PPARA: variants seen among roughly 807,000 people sequenced by gnomAD.
PPARA encodes the protein peroxisome proliferator activated receptor alpha.
A neutral mutation model predicts 42.2 loss-of-function variants in PPARA; 22 were observed. The ratio of observed to expected loss-of-function variants is 0.52; its 90% CI spans 0.37 to 0.74. The LOEUF (loss-of-function observed/expected upper bound fraction) is 0.74, where lower values mean the gene tolerates loss of function less well. Ranked by LOEUF, PPARA falls within the 30% of genes least tolerant of loss-of-function variation. The pLI, the probability that PPARA is intolerant of heterozygous loss-of-function variation, is 0.00. For synonymous variants in PPARA, 242 were observed against 239.3 expected, an observed-to-expected ratio of 1.01 and a Z score of -0.10; for missense variants, 465 against 608.2, an observed-to-expected ratio of 0.76 and a Z score of 2.48.
chr22:46,240,845 G>A lies in PPARA; in HGVS notation c.*5465G>A, dbSNP rs1303011876. ...ACCAAATATTTGCATCGAGCAAAGG[G>A]GGCTGTGTGCACCTCCCTAATGGCA... On this transcript the variant is annotated 3_prime_UTR_variant, in exon 9 of 9. Coordinates refer to ENST00000407236, the MANE Select transcript of PPARA (RefSeq NM_005036.6). This position sits in a 1 kb window ranked among gnomAD's most constrained non-coding sequence, Gnocchi z 6.0. The A allele has an allele frequency of 6.6e-6, 1 of 152,236 alleles. No homozygotes were observed. Among genetic ancestry groups the A allele is most frequent in the Non-Finnish European group, 1.5e-5 (1 of 68,046 alleles). The allele number at this position is 152,236 out of a possible 1,614,324, so 9.4% of individuals were successfully genotyped here.
chr22:46,202,962 A>T (rs1006664761), intron 4 of PPARA, among the ~76,000 whole-genome samples: 5 of 152,116 alleles, frequency 3.3e-5, no homozygotes, highest in African/African-American at 9.7e-5. Flanking sequence ...GCACAAAGAA[A>T]AAAAAGGGGA....
rs1370479880 is a variant in PPARA at position 46,182,147 on chromosome 22, G to A, written c.-43+5311G>A. Among the ~76,000 whole-genome samples, 1 of 152,160 alleles carries A rather than the reference G, an allele frequency of 6.6e-6. No homozygotes were observed. The highest frequency in any genetic ancestry group is 1.5e-5 in the Non-Finnish European group (1 of 68,046). ...AGGTGTGAACCACCATGCCCAGCCA[G>A]CAGTTTCTTATAAAGTTAAACCAAT... On this transcript the variant is annotated intron_variant, in intron 3 of 8. Coordinates refer to ENST00000407236, the MANE Select transcript of PPARA (RefSeq NM_005036.6). The surrounding 1 kb of genome is among the most constrained non-coding windows in gnomAD (Gnocchi z 5.2).
In PPARA at chr22:46,219,690, G is replaced by A. The variant is rs1159795875; in HGVS notation, c.509-122G>A. On this transcript the variant is annotated intron_variant, in intron 6 of 8. Coordinates refer to ENST00000407236, the MANE Select transcript of PPARA (RefSeq NM_005036.6). This position sits in a 1 kb window ranked among gnomAD's most constrained non-coding sequence, Gnocchi z 4.8. ...GAAAGCCGAATAGTAATGAAGGATG[G>A]GTCTGAACTGCCTGTGAATTTTCAT... The A allele has an allele frequency of 3.2e-6, 3 of 925,790 alleles. No homozygotes were observed. The East Asian group carries it at 7.8e-5, about 24-fold the overall frequency. The allele number at this position is 925,790 out of a possible 1,614,324, so 57.3% of individuals were successfully genotyped here.
At chr22:46,153,912 A>G (rs956696628) in intron 2 of PPARA, among the ~76,000 whole-genome samples, 1 of 152,160 alleles carries the variant, frequency 6.6e-6, no homozygotes, top group African/African-American at 2.4e-5. Flanking sequence ...GAAGAAGGAG[A>G]AAATGTGTCT....
At chr22:46,152,477 G>C (rs967348735) in intron 2 of PPARA, among the ~76,000 whole-genome samples, 4 of 152,124 alleles carry the variant, frequency 2.6e-5, no homozygotes, top group African/African-American at 9.7e-5. Flanking sequence ...ACTTTTGCTA[G>C]GAACTTCATT....
At chr22:46,168,835 T>C (rs1927529679) in intron 2 of PPARA, among the ~76,000 whole-genome samples, 1 of 151,972 alleles carries the variant, frequency 6.6e-6, no homozygotes, top group Non-Finnish European at 1.5e-5. Flanking sequence ...CTGATGGGAA[T>C]GTAAAATGAT....
At position 46,167,381 on chromosome 22, in the gene PPARA, G is replaced by A. The variant is rs1927235847; in HGVS notation, c.-126-9372G>A. Among the ~76,000 whole-genome samples, 1 of 152,092 alleles carries A rather than the reference G, an allele frequency of 6.6e-6. No homozygotes were observed. Among genetic ancestry groups the A allele is most frequent in the Non-Finnish European group, 1.5e-5 (1 of 68,020 alleles). On this transcript the variant is annotated intron_variant, in intron 2 of 8. Coordinates refer to ENST00000407236, the MANE Select transcript of PPARA (RefSeq NM_005036.6). This position sits in a 1 kb window ranked among gnomAD's most constrained non-coding sequence, Gnocchi z 4.1. ...TAAGAGTTAAAACCATCCAGGTACAGTGGCTCATGCCTGTCATCTTGCACT... is the reference window on the plus strand; with the variant it reads ...TAAGAGTTAAAACCATCCAGGTACAATGGCTCATGCCTGTCATCTTGCACT...
intron 3 of PPARA, among the ~76,000 whole-genome samples, chr22:46,177,453 G>T: frequency 7.8e-6 from 1 of 127,770 alleles, no homozygotes; most frequent in South Asian, 2.4e-4. Flanking sequence ...AACAGAACAA[G>T]ACTCCATCTC....
chr22:46,199,067 C>T (rs775239783), intron 4 of PPARA, among the ~76,000 whole-genome samples: 2 of 152,180 alleles, frequency 1.3e-5, no homozygotes, highest in Non-Finnish European at 2.9e-5. Flanking sequence ...AGGCGCGTGT[C>T]ACGGCTCACG....
Position 46,160,540 on chromosome 22 carries a change from C to T in PPARA, c.-127+8570C>T, listed in dbSNP as rs990872776. 2.6e-5 allele frequency among the ~76,000 whole-genome samples: 4 copies of T among 152,178 alleles called. No homozygotes were observed. The highest frequency in any genetic ancestry group is 1.5e-5 in the Non-Finnish European group (1 of 68,040). On this transcript the variant is annotated intron_variant, in intron 2 of 8. Coordinates refer to ENST00000407236, the MANE Select transcript of PPARA (RefSeq NM_005036.6). This position sits in a 1 kb window ranked among gnomAD's most constrained non-coding sequence, Gnocchi z 4.5. ...CTCAAACTCCCGGCCTCATGATCCG[C>T]CCTCTGCAGCCTCCCAAAGTGCTGG...
rs535772857 is a variant in PPARA at position 46,195,051 on chromosome 22, T to C, written c.-42-3291T>C. ...CTGAGTAGCTGGGATTACAGGCGCC[T>C]ACCACCACGCCCGGCTAATTTTTGT... On this transcript the variant is annotated intron_variant, in intron 3 of 8. Transcript: ENST00000407236. The surrounding 1 kb of genome is among the most constrained non-coding windows in gnomAD (Gnocchi z 4.6). 1.3e-5 allele frequency among the ~76,000 whole-genome samples: 2 copies of C among 149,634 alleles called. No individual in the cohort carries two copies. Among genetic ancestry groups the C allele is most frequent in the African/African-American group, 4.9e-5 (2 of 40,690 alleles).
chr22:46,165,610 A>C lies in PPARA; in HGVS notation c.-126-11143A>C, dbSNP rs954022212. Among the ~76,000 whole-genome samples, 4 of 152,104 alleles carry C rather than the reference A, an allele frequency of 2.6e-5. No individual in the cohort carries two copies. Among genetic ancestry groups the C allele is most frequent in the African/African-American group, 9.7e-5 (4 of 41,396 alleles). Reference sequence around the variant, plus strand: ...TAAACATCCCAAACTTTGGATTGGGACCCAAAAAAGCTCCATCCCAGGAGT... The same window carrying C: ...TAAACATCCCAAACTTTGGATTGGGCCCCAAAAAAGCTCCATCCCAGGAGT... On this transcript the variant is annotated intron_variant, in intron 2 of 8. Transcript: ENST00000407236. The surrounding 1 kb of genome is among the most constrained non-coding windows in gnomAD (Gnocchi z 5.5).
rs1392878555 is a variant in PPARA at position 46,184,659 on chromosome 22, A to G, written c.-43+7823A>G. Reference sequence around the variant, plus strand: ...TACCTGAGGTCGGAAGTTCAAGACCAGCCTGGCCAATATGGCAAAACCTCT... The same window carrying G: ...TACCTGAGGTCGGAAGTTCAAGACCGGCCTGGCCAATATGGCAAAACCTCT... On this transcript the variant is annotated intron_variant, in intron 3 of 8. Transcript: ENST00000407236. This position sits in a 1 kb window ranked among gnomAD's most constrained non-coding sequence, Gnocchi z 4.4. Among the ~76,000 whole-genome samples, 1 of 152,206 alleles carries G rather than the reference A, an allele frequency of 6.6e-6. No homozygotes were observed. Among genetic ancestry groups the G allele is most frequent in the Non-Finnish European group, 1.5e-5 (1 of 68,040 alleles).
rs1303770581 is a variant in PPARA at position 46,165,071 on chromosome 22, TG to T, written c.-126-11681del. ...ATTTATTTGAGACAGAGTTTCGCTC[TG>T]TTGCCCAGGCTAGAGTGCAATGCCA... On this transcript the variant is annotated intron_variant, in intron 2 of 8. Transcript: ENST00000407236. The surrounding 1 kb of genome is among the most constrained non-coding windows in gnomAD (Gnocchi z 5.5). 2.0e-5 allele frequency: 3 copies of T among 152,246 alleles called. No homozygotes were observed. Among genetic ancestry groups the T allele is most frequent in the Non-Finnish European group, 4.4e-5 (3 of 68,066 alleles). 9.4% of individuals were successfully genotyped at this position (152,246 alleles called of 1,614,324 possible). A position where few individuals can be genotyped will look rare whatever the true frequency, so the allele number is the denominator to read the frequency against.
In PPARA at chr22:46,236,789, C is replaced by T. The variant is rs1936226911; in HGVS notation, c.*1409C>T. 1.3e-5 allele frequency: 2 copies of T among 152,380 alleles called. No homozygotes were observed. The highest frequency in any genetic ancestry group is 4.8e-5 in the African/African-American group (2 of 41,460). 9.4% of individuals were successfully genotyped at this position (152,380 alleles called of 1,614,324 possible). A position where few individuals can be genotyped will look rare whatever the true frequency, so the allele number is the denominator to read the frequency against. ...TCTTCTTCAAATGGCAGTTTTACTT[C>T]AAATGGCAGATTTCACAAGAGTTGG... On this transcript the variant is annotated 3_prime_UTR_variant, in exon 9 of 9. Transcript: ENST00000407236. The surrounding 1 kb of genome is among the most constrained non-coding windows in gnomAD (Gnocchi z 5.2).
At position 46,160,733 on chromosome 22, in the gene PPARA, T is replaced by C. The variant is rs143728871; in HGVS notation, c.-127+8763T>C. Among the ~76,000 whole-genome samples, 3,085 of 152,302 alleles carry C rather than the reference T, an allele frequency of 0.02. 117 individuals carry two copies. Among genetic ancestry groups the C allele is most frequent in the African/African-American group, 0.07 (2,929 of 41,566 alleles). ...CTCCCTCCTCAGCCTCCTGAGCAGC[T>C]GGGACTACAGGTGCACACCACCACA... is the stretch of plus-strand genomic sequence containing the variant. On this transcript the variant is annotated intron_variant, in intron 2 of 8. Transcript: ENST00000407236. This position sits in a 1 kb window ranked among gnomAD's most constrained non-coding sequence, Gnocchi z 4.5.
chr22:46,207,680 T>TTATTA (rs1569228320), intron 4 of PPARA, among the ~76,000 whole-genome samples: 10 of 95,702 alleles, frequency 1.0e-4, no homozygotes, highest in South Asian at 3.3e-4. Flanking sequence ...TATTATTATT[T>TTATTA]TTTTTTTTTT....
rs1370055842 is a variant in PPARA at position 46,207,674 on chromosome 22, A to ATT, written c.209-7498_209-7497dup. Among the ~76,000 whole-genome samples, 89 of 61,688 alleles carry ATT rather than the reference A, an allele frequency of 1.4e-3. 4 individuals are homozygous for ATT. The highest frequency in any genetic ancestry group is 2.5e-3 in the South Asian group (4 of 1,628). The allele number at this position is 61,688 out of a possible 152,430, so 40.5% of individuals were successfully genotyped here. A position where few individuals can be genotyped will look rare whatever the true frequency, so the allele number is the denominator to read the frequency against. ...TATTATTATTATTATTATTATTATT[A>ATT]TTATTTTTTTTTTTTTTTTTTTTTT... On this transcript the variant is annotated intron_variant, in intron 4 of 8. Coordinates refer to ENST00000407236, the MANE Select transcript of PPARA (RefSeq NM_005036.6).
Position 46,195,136 on chromosome 22 carries a change from T to G in PPARA, c.-42-3206T>G, listed in dbSNP as rs913267685. Among the ~76,000 whole-genome samples the G allele has an allele frequency of 9.9e-5, 15 of 151,404 alleles. No individual in the cohort carries two copies. The highest frequency in any genetic ancestry group is 3.6e-4 in the African/African-American group (15 of 41,268). ...CAGGCTGGTTTCGAACTCCTGACCT[T>G]AAGTGATCTGCCCGCCTCAGCCTCC... On this transcript the variant is annotated intron_variant, in intron 3 of 8. Coordinates refer to ENST00000407236, the MANE Select transcript of PPARA (RefSeq NM_005036.6). The surrounding 1 kb of genome is among the most constrained non-coding windows in gnomAD (Gnocchi z 4.6).
Sources: allele counts gnomAD v4.1 joint callset (sites outside exome capture counted in the v4.1 genomes callset), GRCh38; gene constraint gnomAD v4.1.1; non-coding constraint Gnocchi (gnomAD v3.1); transcripts MANE v1.5; gene names NCBI Gene and HGNC (gene_info 2026-07-23, HGNC 2026-07-21).